HLF: variants seen among roughly 807,000 people sequenced by gnomAD.
HLF encodes HLF transcription factor, PAR bZIP family member.
In HLF, 3 loss-of-function variants were observed where a neutral mutation model predicts 22.6. That is an observed-to-expected ratio of 0.13 (90% CI 0.06 to 0.34). The LOEUF is 0.34. Among genes scored for constraint, HLF ranks in the 10% least tolerant of loss-of-function variants. The probability of loss-of-function intolerance (pLI) is 1.00; values close to 1 mark genes in which losing one functional copy is unlikely to be tolerated. For missense variants in HLF, 299 were observed against 389.2 expected (o/e 0.77, Z 1.95); for synonymous variants, 151 against 151.8 (o/e 0.99, Z 0.04).
chr17:55,315,121 A>T, intron 2 of HLF, 106 bp from the exon 3 acceptor site: 2 of 782,904 alleles, frequency 2.6e-6, no homozygotes, highest in Non-Finnish European at 4.4e-6. Flanking sequence ...AGCATCATAT[A>T]TAAGTGAGCT....
intron 2 of HLF, among the ~76,000 whole-genome samples, chr17:55,304,740 G>A (rs547657142): frequency 6.8e-4 from 103 of 152,284 alleles, no homozygotes; most frequent in African/African-American, 2.2e-3. Flanking sequence ...CAGGAGGGAA[G>A]TGTGGACTCT....
At chr17:55,272,574 G>A (rs2080867574) in intron 2 of HLF, 1 of 152,148 alleles carries the variant, frequency 6.6e-6, no homozygotes, top group Non-Finnish European at 1.5e-5. Context: ...ATAAGTGGGT[G>A]GCACAAAAGG....
At chr17:55,270,579 G>T (rs2080842511) in intron 2 of HLF, among the ~76,000 whole-genome samples, 1 of 151,854 alleles carries the variant, frequency 6.6e-6, no homozygotes. Flanking sequence ...ATGTAGCCTT[G>T]GTCATTCTGG....
At chr17:55,309,975 T>C (rs1904756059) in intron 2 of HLF, among the ~76,000 whole-genome samples, 1 of 152,252 alleles carries the variant, frequency 6.6e-6, no homozygotes, top group African/African-American at 2.4e-5. Flanking sequence ...TGCTTGCTAA[T>C]GAGCTAATTG....
chr17:55,301,965 A>G (rs967498551), intron 2 of HLF, among the ~76,000 whole-genome samples: 3 of 152,232 alleles, frequency 2.0e-5, no homozygotes, highest in African/African-American at 7.2e-5. Flanking sequence ...CATCCCAAAC[A>G]TCTCATCCTA....
intron 2 of HLF, among the ~76,000 whole-genome samples, chr17:55,293,544 G>C (rs925941545): frequency 1.3e-5 from 2 of 152,172 alleles, no homozygotes; most frequent in African/African-American, 4.8e-5. Context: ...TCTGGGCACT[G>C]GACTGAGGTT....
chr17:55,291,398 G>A (rs1431639937), intron 2 of HLF, among the ~76,000 whole-genome samples: 1 of 152,174 alleles, frequency 6.6e-6, no homozygotes, highest in African/African-American at 2.4e-5. Flanking sequence ...TAGGGTCTTT[G>A]AGAATTATAC....
chr17:55,279,641 T>G (rs185614448), intron 2 of HLF, among the ~76,000 whole-genome samples: 14 of 152,208 alleles, frequency 9.2e-5, no homozygotes, highest in Admixed American at 8.5e-4. Context: ...AAACATAATT[T>G]TGGGACACAG....
At position 55,265,562 on chromosome 17, in the gene HLF, G is replaced by T; in HGVS notation, c.78G>T (p.Leu26=). Residue 26 remains leucine, a synonymous_variant, in exon 1 of 4, where the codon CTG becomes CTT. Coordinates refer to ENST00000226067, the MANE Select transcript of HLF (RefSeq NM_002126.5). ...PPPYGVLRSL[L]ENPLKLPLHH... is the part of the protein sequence containing the mutation. ...CCTACGGCGTGCTCAGGTCCCTGCT[G>T]GAGAACCCGCTGAAGCTCCCCCTTC... The T allele has an allele frequency of 6.2e-7, 1 of 1,607,490 alleles. No individual in the cohort carries two copies.
rs1905018570 is a variant in HLF, at chr17:55,315,259, A to C, written c.484A>C (p.Ser162Arg). The change falls in exon 3 of 4, where the codon AGT becomes CGT. Residue 162 changes from serine (S) to arginine (R), a missense_variant. Physicochemically the swap from Ser to Arg is moderately radical, Grantham distance 110. This residue lies in a region of HLF where 224 missense variants were observed against 298.1 expected (regional missense o/e 0.75). Transcript: ENST00000226067. ...QLLPANRNTPSPIDPDTIQVP... is the reference protein window; with the variant it reads ...QLLPANRNTPRPIDPDTIQVP... ...GTTGCCAGCAAACCGCAATACACCA[A>C]GTCCCATTGATCCTGACACCATCCA... is the stretch of plus-strand genomic sequence containing the variant. 1 of 1,614,096 alleles carries C rather than the reference A, an allele frequency of 6.2e-7. No individual in the cohort carries two copies. Among genetic ancestry groups the C allele is most frequent in the African/African-American group, 1.3e-5 (1 of 74,942 alleles).
chr17:55,293,695 A>T (rs2081087062), intron 2 of HLF, among the ~76,000 whole-genome samples: 1 of 152,212 alleles, frequency 6.6e-6, no homozygotes, highest in South Asian at 2.1e-4. Context: ...GGCGATTAAT[A>T]GGTGGCAGGG....
In HLF at chr17:55,307,327, A is replaced by T. The variant is rs552756036; in HGVS notation, c.452-7900A>T. On this transcript the variant is annotated intron_variant, in intron 2 of 3. Transcript: ENST00000226067. The stretch of plus-strand genomic sequence containing the variant: ...CGCCACCATGCCCAGCTAATTATTT[A>T]TTATTATTATTATTATTTTTTAATA... 4.7e-5 allele frequency among the ~76,000 whole-genome samples: 7 copies of T among 148,112 alleles called. No homozygotes were observed. In the South Asian group the frequency reaches 8.6e-4, roughly 18 times the overall value.
chr17:55,308,286 T>C (rs1487229093), intron 2 of HLF, among the ~76,000 whole-genome samples: 2 of 152,242 alleles, frequency 1.3e-5, no homozygotes, highest in South Asian at 2.1e-4. Flanking sequence ...AGTCTGTTTA[T>C]TTGATTTACT....
In HLF at chr17:55,323,310, G is replaced by A; in HGVS notation, c.*2431G>A. ...TTTACAGGCAAAGAGGCGAATTGTA[G>A]AATTGTTAGATGGCAATAGTCATTA... On this transcript the variant is annotated 3_prime_UTR_variant, in exon 4 of 4. Coordinates refer to ENST00000226067, the MANE Select transcript of HLF (RefSeq NM_002126.5). 4.6e-6 allele frequency: 1 copy of A among 216,434 alleles called. No individual in the cohort carries two copies. The highest frequency in any genetic ancestry group is 9.3e-6 in the Non-Finnish European group (1 of 107,272). The allele number at this position is 216,434 out of a possible 1,614,324, so 13.4% of individuals were successfully genotyped here. A position where few individuals can be genotyped will look rare whatever the true frequency, so the allele number is the denominator to read the frequency against.
intron 2 of HLF, among the ~76,000 whole-genome samples, chr17:55,291,062 G>C (rs1408655021): frequency 6.6e-6 from 1 of 152,202 alleles, no homozygotes; most frequent in Non-Finnish European, 1.5e-5. Flanking sequence ...AAAGGTTTGA[G>C]CTAGCAGAGG....
intron 2 of HLF, among the ~76,000 whole-genome samples, chr17:55,300,218 A>T (rs554926045): frequency 6.6e-6 from 1 of 152,322 alleles, no homozygotes; most frequent in Admixed American, 6.5e-5. Context: ...CAGTGTAACC[A>T]GGGAAACATC....
chr17:55,290,085 A>G (rs2081046422), intron 2 of HLF, among the ~76,000 whole-genome samples: 1 of 78,008 alleles, frequency 1.3e-5, no homozygotes, highest in Non-Finnish European at 2.3e-5. Flanking sequence ...TTTCTTCCTC[A>G]GTGCTGGAAA....
chr17:55,322,959 G>A lies in HLF; in HGVS notation c.*2080G>A, dbSNP rs914286373. Reference sequence around the variant, plus strand: ...CTGTTACGACAAAGAAACATTTTACGCTAGATTAAAATATCCTTTCATCAA... The same window carrying A: ...CTGTTACGACAAAGAAACATTTTACACTAGATTAAAATATCCTTTCATCAA... On this transcript the variant is annotated 3_prime_UTR_variant, in exon 4 of 4. Coordinates refer to ENST00000226067, the MANE Select transcript of HLF (RefSeq NM_002126.5). 4.5e-6 allele frequency: 1 copy of A among 222,282 alleles called. No individual in the cohort carries two copies. The highest frequency in any genetic ancestry group is 9.0e-6 in the Non-Finnish European group (1 of 111,302). 13.8% of individuals were successfully genotyped at this position (222,282 alleles called of 1,614,324 possible). A position where few individuals can be genotyped will look rare whatever the true frequency, so the allele number is the denominator to read the frequency against.
intron 2 of HLF, among the ~76,000 whole-genome samples, chr17:55,312,028 G>C (rs576278645): frequency 1.3e-5 from 2 of 152,238 alleles, no homozygotes; most frequent in Non-Finnish European, 2.9e-5. Context: ...ATAGTATTCC[G>C]TGGTGTAGAT....
Sources: gnomAD v4.1 joint callset for allele counts (sites outside exome capture counted in the v4.1 genomes callset) on GRCh38, gnomAD v4.1.1 for gene constraint, gnomAD v4.1.1 regional missense constraint, MANE v1.5 for transcripts, NCBI Gene and HGNC (gene_info 2026-07-23, HGNC 2026-07-21) for gene names.